CNOT10: variants seen among roughly 807,000 people sequenced by gnomAD.
CNOT10 encodes the protein CCR4-NOT transcription complex, subunit 10.
CNOT10 carries 30 observed loss-of-function variants against 94.6 expected under a neutral mutation model. That is an observed-to-expected ratio of 0.32 (90% CI 0.24 to 0.43). The LOEUF (loss-of-function observed/expected upper bound fraction) is 0.43. Ranked by LOEUF, CNOT10 falls within the 20% of genes least tolerant of loss-of-function variation. The probability of loss-of-function intolerance (pLI) is 1.00; values close to 1 mark genes in which losing one functional copy is unlikely to be tolerated. For missense variants in CNOT10, 759 were observed against 877.2 expected (o/e 0.87, Z 1.70); for synonymous variants, 289 against 301.6 (o/e 0.96, Z 0.43).
Position 32,695,411 on chromosome 3 carries a change from CT to C in CNOT10, c.23-8451del, listed in dbSNP as rs376382901. Reference sequence around the variant, plus strand: ...GATTTCCTTAGGTCTTTTAACATCCCTTTTTTCTTTGGAAAAGTTTTCTTTT... The same window carrying C: ...GATTTCCTTAGGTCTTTTAACATCCCTTTTTCTTTGGAAAAGTTTTCTTTT... On this transcript the variant is annotated intron_variant, in intron 1 of 18. Coordinates refer to ENST00000328834, the MANE Select transcript of CNOT10 (RefSeq NM_015442.3). The C allele has an allele frequency of 1.5e-3, 847 of 557,284 alleles. 5 individuals are homozygous for C. Among genetic ancestry groups the C allele is most frequent in the African/African-American group, 0.014 (759 of 52,498 alleles). The allele number at this position is 557,284 out of a possible 1,614,324, so 34.5% of individuals were successfully genotyped here.
At position 32,687,464 on chromosome 3, in the gene CNOT10, T is replaced by TTGTTTTTTG. The variant is rs1696671562; in HGVS notation, c.22+1983_22+1984insGTTTTTTGT. On this transcript the variant is annotated intron_variant, in intron 1 of 18. Transcript: ENST00000328834. ...GTTTTTTTTTTTTGTTTTTTTTTTT[T>TTGTTTTTTG]TTTTTGAGACGGAGTCTCGCTCTGT... Among the ~76,000 whole-genome samples, 4 of 68,004 alleles carry TTGTTTTTTG rather than the reference T, an allele frequency of 5.9e-5. No homozygotes were observed. The Admixed American group carries it at 6.4e-4, about 11-fold the overall frequency. 44.6% of individuals were successfully genotyped at this position (68,004 alleles called of 152,430 possible). A position where few individuals can be genotyped will look rare whatever the true frequency, so the allele number is the denominator to read the frequency against.
chr3:32,729,918 G>C (rs7634712), intron 10 of CNOT10, among the ~76,000 whole-genome samples: 3 of 149,270 alleles, frequency 2.0e-5, no homozygotes, highest in African/African-American at 7.4e-5. Context: ...ACAGGCGCCC[G>C]CCACTACGCC....
chr3:32,732,285 GA>G (rs1202137828), intron 10 of CNOT10, among the ~76,000 whole-genome samples: 14 of 152,046 alleles, frequency 9.2e-5, no homozygotes, highest in African/African-American at 3.1e-4. Context: ...AGCTACTCGG[GA>G]GGCTGAGGCA....
At chr3:32,691,574 C>G (rs373608229) in intron 1 of CNOT10, among the ~76,000 whole-genome samples, 2 of 152,064 alleles carry the variant, frequency 1.3e-5, no homozygotes, top group South Asian at 4.1e-4. Context: ...CCCAAAGTGC[C>G]GATGTGAGCC....
intron 13 of CNOT10, among the ~76,000 whole-genome samples, chr3:32,739,200 C>T (rs1699337642): frequency 6.6e-6 from 1 of 152,206 alleles, no homozygotes; most frequent in Non-Finnish European, 1.5e-5. Flanking sequence ...GCCACTGCGC[C>T]CGGCCAGTTT....
chr3:32,689,939 T>C (rs1454657817), intron 1 of CNOT10, among the ~76,000 whole-genome samples: 3 of 152,140 alleles, frequency 2.0e-5, no homozygotes, highest in Non-Finnish European at 4.4e-5. Context: ...TGGGTGACAG[T>C]GCGACCCTGT....
chr3:32,725,355 A>T, intron 8 of CNOT10, 95 bp from the exon 9 acceptor site: 2 of 894,126 alleles, frequency 2.2e-6, no homozygotes, highest in Non-Finnish European at 1.9e-6. Flanking sequence ...TGGAATGGTA[A>T]CAGTGTTAAC....
At chr3:32,739,652 T>C (rs1272493880) in intron 13 of CNOT10, among the ~76,000 whole-genome samples, 2 of 152,158 alleles carry the variant, frequency 1.3e-5, no homozygotes, top group Non-Finnish European at 2.9e-5. Context: ...CCAGGTGCAG[T>C]GGCTCATGCC....
At chr3:32,696,239 C>T (rs1262144483) in intron 1 of CNOT10, among the ~76,000 whole-genome samples, 2 of 151,844 alleles carry the variant, frequency 1.3e-5, no homozygotes, top group Non-Finnish European at 2.9e-5. Flanking sequence ...TCACTTGAAC[C>T]TGGGAAGCAG....
intron 8 of CNOT10, among the ~76,000 whole-genome samples, chr3:32,721,898 C>A (rs181636257): frequency 6.6e-6 from 1 of 151,148 alleles, no homozygotes; most frequent in South Asian, 2.1e-4. Flanking sequence ...GTGATCCGCC[C>A]GCCTCGGCCT....
intron 13 of CNOT10, among the ~76,000 whole-genome samples, chr3:32,751,654 A>G (rs190721249): frequency 8.5e-5 from 13 of 152,344 alleles, no homozygotes; most frequent in Admixed American, 3.9e-4. Context: ...TAACATAAAT[A>G]TTATAGACAG....
chr3:32,773,569 G>GC lies in CNOT10; in HGVS notation c.2196dup (p.Ile733HisfsTer23). 1 of 1,614,054 alleles carries GC rather than the reference G, an allele frequency of 6.2e-7. No individual in the cohort carries two copies. Among genetic ancestry groups the GC allele is most frequent in the Non-Finnish European group, 8.5e-7 (1 of 1,179,974 alleles). On this transcript the variant is annotated frameshift_variant, in exon 19 of 19. Coordinates refer to ENST00000328834, the MANE Select transcript of CNOT10 (RefSeq NM_015442.3). LOFTEE classifies it high-confidence loss of function. ...TGTTTCAGCCTGTCCACCCGATCCA[G>GC]CCCATCCAAATGCCGGCTTTCACCA... is the stretch of plus-strand genomic sequence containing the variant.
intron 14 of CNOT10, among the ~76,000 whole-genome samples, chr3:32,762,378 T>A (rs997871775): frequency 6.6e-6 from 1 of 151,996 alleles, no homozygotes; most frequent in African/African-American, 2.4e-5. Context: ...TAAGTGATTC[T>A]CCCACCTCAG....
At chr3:32,698,845 G>A (rs1203858555) in intron 1 of CNOT10, among the ~76,000 whole-genome samples, 2 of 152,076 alleles carry the variant, frequency 1.3e-5, no homozygotes, top group East Asian at 3.9e-4. Flanking sequence ...GAGTGCTTTG[G>A]CACAATCTCA....
chr3:32,688,043 G>GACCT (rs1056650869), intron 1 of CNOT10, among the ~76,000 whole-genome samples: 1 of 152,136 alleles, frequency 6.6e-6, no homozygotes, highest in African/African-American at 2.4e-5. Context: ...AGGACTTAAG[G>GACCT]TGAGTGATCT....
At chr3:32,704,041 T>A (rs1385030936) in intron 2 of CNOT10, 79 bp downstream of exon 2, 2 of 759,786 alleles carry the variant, frequency 2.6e-6, no homozygotes, top group Non-Finnish European at 2.1e-6. Context: ...AATTTTTAAA[T>A]TTACAATTTT....
rs1164707189 is a variant in CNOT10 at position 32,685,386 on chromosome 3, A to C, written c.-75A>C. 4 of 1,530,122 alleles carry C rather than the reference A, an allele frequency of 2.6e-6. No homozygotes were observed. The East Asian group carries it at 9.8e-5, about 38-fold the overall frequency. The allele number at this position is 1,530,122 out of a possible 1,614,324, so 94.8% of individuals were successfully genotyped here. On this transcript the variant is annotated 5_prime_UTR_variant, in exon 1 of 19. Coordinates refer to ENST00000328834, the MANE Select transcript of CNOT10 (RefSeq NM_015442.3). The stretch of plus-strand genomic sequence containing the variant: ...GGCACAGAGTTGTCCTCGGAGGTCC[A>C]GGACAGCGGCCAGCCCGGCGGCGGG...
intron 1 of CNOT10, among the ~76,000 whole-genome samples, chr3:32,698,163 A>G (rs1697166110): frequency 6.6e-6 from 1 of 152,216 alleles, no homozygotes; most frequent in African/African-American, 2.4e-5. Flanking sequence ...TCCAAAGAAA[A>G]AACTGTTTAA....
intron 1 of CNOT10, among the ~76,000 whole-genome samples, chr3:32,700,354 C>T (rs1697284735): frequency 6.6e-6 from 1 of 152,176 alleles, no homozygotes. Flanking sequence ...AATACAGACT[C>T]TCATTTTAGT....
Sources: allele counts gnomAD v4.1 joint callset (sites outside exome capture counted in the v4.1 genomes callset), GRCh38; gene constraint gnomAD v4.1.1; transcripts MANE v1.5; gene names NCBI Gene and HGNC (gene_info 2026-07-23, HGNC 2026-07-21).